Variants in KDM4C observed in about 807,000 individuals in gnomAD.
KDM4C encodes the protein lysine demethylase 4C.
A neutral mutation model predicts 129.3 loss-of-function variants in KDM4C; 81 were observed. The ratio of observed to expected loss-of-function variants is 0.63; its 90% CI spans 0.52 to 0.75. KDM4C has a LOEUF of 0.75. KDM4C is among the 30% of genes least tolerant of loss of function. KDM4C has a pLI of 0.00. For missense variants in KDM4C, 1,457 were observed against 1,304.0 expected, an observed-to-expected ratio of 1.12 and a Z score of -1.81; for synonymous variants, 573 against 456.1, an observed-to-expected ratio of 1.26 and a Z score of -3.26.
At position 7,049,107 on chromosome 9, in the gene KDM4C, G is replaced by A; in HGVS notation, c.2331G>A (p.Met777Ile). ...TTTCCTGTAGGTGGGCCCATGTCAT[G>A]TGCGCCGTTGCGGTCCCAGAAGTTC... ...QTKNNKWAHVMCAVAVPEVRF... is the reference protein window; with the variant it reads ...QTKNNKWAHVICAVAVPEVRF... The change falls in exon 17 of 22, where the codon ATG becomes ATA. Residue 777 changes from methionine (M) to isoleucine (I), a missense_variant. Met to Ile is a conservative substitution (Grantham distance 10). Transcript: ENST00000381309. The A allele has an allele frequency of 6.2e-7, 1 of 1,611,870 alleles. No individual in the cohort carries two copies. The highest frequency in any genetic ancestry group is 2.2e-5 in the East Asian group (1 of 44,820).
intron 12 of KDM4C, among the ~76,000 whole-genome samples, chr9:7,002,199 G>A (rs1287281760): frequency 6.6e-6 from 1 of 152,076 alleles, no homozygotes; most frequent in East Asian, 1.9e-4. Context: ...GCCTCCCATG[G>A]GTAGTTTTGA....
intron 10 of KDM4C, 123 bp from the exon 11 acceptor site, chr9:6,986,221 A>T (rs1817669133): frequency 6.2e-6 from 4 of 644,650 alleles, no homozygotes; most frequent in African/African-American, 3.6e-5. Context: ...GTGTGCATGT[A>T]TGTGCATGCG....
chr9:7,074,841 T>TCCACGCTGAA (rs1833705598), intron 17 of KDM4C, among the ~76,000 whole-genome samples: 1 of 152,188 alleles, frequency 6.6e-6, no homozygotes, highest in East Asian at 1.9e-4. Flanking sequence ...TGATACGTTT[T>TCCACGCTGAA]TATTTCTGTA....
At position 6,807,794 on chromosome 9, in the gene KDM4C, G is replaced by T. The variant is rs1295230883; in HGVS notation, c.320+2020G>T. On this transcript the variant is annotated intron_variant, in intron 3 of 21. Coordinates refer to ENST00000381309, the MANE Select transcript of KDM4C (RefSeq NM_015061.6). ...CCACCCCGTCTGGGAGGGAGGTGGG[G>T]GGGGGGTCAGCCCCCCGCCCGGCCA... Among the ~76,000 whole-genome samples, 59 of 148,694 alleles carry T rather than the reference G, an allele frequency of 4.0e-4. 1 individual carries two copies. Among genetic ancestry groups the T allele is most frequent in the Non-Finnish European group, 1.5e-4 (10 of 66,890 alleles).
At chr9:7,102,358 AC>A in intron 17 of KDM4C, among the ~76,000 whole-genome samples, 1 of 145,692 alleles carries the variant, frequency 6.9e-6, no homozygotes, top group African/African-American at 2.5e-5. Flanking sequence ...ATAAAGAGAA[AC>A]CTTTAATTAT....
intron 19 of KDM4C, among the ~76,000 whole-genome samples, chr9:7,146,224 A>C (rs555709599): frequency 8.4e-4 from 128 of 152,372 alleles, no homozygotes; most frequent in African/African-American, 2.9e-3. Flanking sequence ...AAGGAAATAC[A>C]TCAAAATGTT....
At chr9:6,936,290 C>G (rs1824769875) in intron 8 of KDM4C, among the ~76,000 whole-genome samples, 1 of 152,160 alleles carries the variant, frequency 6.6e-6, no homozygotes, top group African/African-American at 2.4e-5. Flanking sequence ...CTACCCCATG[C>G]AGAACTGCAT....
chr9:6,783,691 C>T (rs1157185534), intron 1 of KDM4C, among the ~76,000 whole-genome samples: 1 of 152,114 alleles, frequency 6.6e-6, no homozygotes, highest in East Asian at 1.9e-4. Flanking sequence ...TGCCCACCAC[C>T]CACAAAAGCT....
intron 4 of KDM4C, among the ~76,000 whole-genome samples, chr9:6,823,598 A>T (rs1833391243): frequency 6.6e-6 from 1 of 152,192 alleles, no homozygotes; most frequent in African/African-American, 2.4e-5. Flanking sequence ...TCACTGAATC[A>T]CGTTGCTCCT....
chr9:6,995,504 C>T (rs1819525775), intron 12 of KDM4C, among the ~76,000 whole-genome samples: 1 of 152,162 alleles, frequency 6.6e-6, no homozygotes, highest in Admixed American at 6.5e-5. Flanking sequence ...CATTATGCAG[C>T]TATATAGAAT....
At chr9:7,110,832 C>T (rs2133213119) in intron 18 of KDM4C, among the ~76,000 whole-genome samples, 1 of 152,312 alleles carries the variant, frequency 6.6e-6, no homozygotes, top group South Asian at 2.1e-4. Flanking sequence ...TTTTCTAAGA[C>T]TTGCAGTATT....
chr9:7,059,994 C>A (rs1428792848), intron 17 of KDM4C, among the ~76,000 whole-genome samples: 1 of 151,944 alleles, frequency 6.6e-6, no homozygotes, highest in African/African-American at 2.4e-5. Context: ...AGTCCGGATA[C>A]CAAAAAGTTT....
At chr9:7,154,242 C>G (rs116274057) in intron 19 of KDM4C, among the ~76,000 whole-genome samples, 1,563 of 152,306 alleles carry the variant, frequency 0.01, 28 homozygotes, top group African/African-American at 0.036. Flanking sequence ...TAATCCCTGC[C>G]AGGGTCCAGT....
intron 1 of KDM4C, among the ~76,000 whole-genome samples, chr9:6,784,072 T>G (rs1824948198): frequency 6.6e-6 from 1 of 152,128 alleles, no homozygotes; most frequent in African/African-American, 2.4e-5. Flanking sequence ...TTTTTTTTTC[T>G]TTCTTTCAAA....
In KDM4C at chr9:6,865,222, A is replaced by G. The variant is rs551653634; in HGVS notation, c.630-14790A>G. On this transcript the variant is annotated intron_variant, in intron 5 of 21. Transcript: ENST00000381309. ...ACGGGGTTTCACCGTGTTTGCCAGGATGGTCTCGATCTCCTGACCTCGTGA... is the reference window on the plus strand; with the variant it reads ...ACGGGGTTTCACCGTGTTTGCCAGGGTGGTCTCGATCTCCTGACCTCGTGA... Among the ~76,000 whole-genome samples the G allele has an allele frequency of 4.6e-5, 7 of 152,092 alleles. No individual in the cohort carries two copies. The South Asian group carries it at 8.3e-4, about 18-fold the overall frequency.
At chr9:6,921,941 T>C (rs1203255782) in intron 8 of KDM4C, among the ~76,000 whole-genome samples, 1 of 152,162 alleles carries the variant, frequency 6.6e-6, no homozygotes, top group Non-Finnish European at 1.5e-5. Context: ...GGTCCCTCCC[T>C]TCTCTGAAGT....
chr9:6,978,288 T>C (rs753504629), intron 8 of KDM4C, among the ~76,000 whole-genome samples: 4 of 152,136 alleles, frequency 2.6e-5, no homozygotes, highest in African/African-American at 9.6e-5. Context: ...CAAATTGATA[T>C]GATGTAATCT....
intron 4 of KDM4C, among the ~76,000 whole-genome samples, chr9:6,847,550 C>G (rs888010069): frequency 1.3e-5 from 2 of 152,136 alleles, no homozygotes; most frequent in South Asian, 2.1e-4. Context: ...GCCACCAGGC[C>G]TGGCTAATTT....
intron 12 of KDM4C, among the ~76,000 whole-genome samples, chr9:6,996,652 A>G (rs1330753477): frequency 1.3e-5 from 2 of 152,300 alleles, no homozygotes; most frequent in African/African-American, 2.4e-5. Flanking sequence ...ATTTGCTGAC[A>G]CAGTGATACT....
Sources: allele counts gnomAD v4.1 joint callset (sites outside exome capture counted in the v4.1 genomes callset), GRCh38; gene constraint gnomAD v4.1.1; transcripts MANE v1.5; gene names NCBI Gene and HGNC (gene_info 2026-07-23, HGNC 2026-07-21).